Variants in GNA14 observed in about 807,000 individuals in gnomAD.
GNA14 encodes guanine nucleotide-binding protein subunit alpha-14.
In GNA14, 50 loss-of-function variants were observed where a neutral mutation model predicts 42.0. The ratio of observed to expected loss-of-function variants is 1.19; its 90% CI spans 0.95 to 1.51. The LOEUF (loss-of-function observed/expected upper bound fraction) is 1.51, where lower values mean the gene tolerates loss of function less well. Among genes scored for constraint, GNA14 ranks in the 40% most tolerant of loss-of-function variants. The probability of loss-of-function intolerance (pLI) is 0.00; values close to 1 mark genes in which losing one functional copy is unlikely to be tolerated. For missense variants in GNA14, 473 were observed against 446.2 expected (o/e 1.06, Z -0.54); for synonymous variants, 173 against 163.1 (o/e 1.06, Z -0.46).
At chr9:77,580,832 A>G (rs1168143250) in intron 1 of GNA14, among the ~76,000 whole-genome samples, 1 of 152,220 alleles carries the variant, frequency 6.6e-6, no homozygotes, top group Non-Finnish European at 1.5e-5. Flanking sequence ...TCTGTATTGT[A>G]CCAGTGCATG....
intron 1 of GNA14, among the ~76,000 whole-genome samples, chr9:77,639,462 G>C (rs989594136): frequency 6.6e-6 from 1 of 152,170 alleles, no homozygotes; most frequent in Admixed American, 6.5e-5. Context: ...ACCCAGCAAG[G>C]CTGGCTCCAA....
intron 1 of GNA14, among the ~76,000 whole-genome samples, chr9:77,615,289 A>G (rs1311203742): frequency 6.6e-6 from 1 of 151,956 alleles, no homozygotes; most frequent in Non-Finnish European, 1.5e-5. Flanking sequence ...TTGGGGTTTC[A>G]GGAGACAATG....
chr9:77,431,249 C>G, intron 4 of GNA14, 72 bp downstream of exon 4: 1 of 1,376,670 alleles, frequency 7.3e-7, no homozygotes, highest in Non-Finnish European at 1.0e-6. Flanking sequence ...AGGAATAACA[C>G]GTTTAAGAAT....
At chr9:77,567,254 T>C (rs1822981300) in intron 1 of GNA14, among the ~76,000 whole-genome samples, 1 of 152,232 alleles carries the variant, frequency 6.6e-6, no homozygotes, top group Non-Finnish European at 1.5e-5. Context: ...TCAATTTCCA[T>C]GTTCACAAAA....
chr9:77,573,689 A>C (rs1352882471), intron 1 of GNA14, among the ~76,000 whole-genome samples: 3 of 152,154 alleles, frequency 2.0e-5, no homozygotes, highest in African/African-American at 7.2e-5. Flanking sequence ...GATGCTAGAC[A>C]AGGGTCAAGA....
At chr9:77,557,242 GGACAA>G (rs1256616645) in intron 1 of GNA14, among the ~76,000 whole-genome samples, 1 of 152,152 alleles carries the variant, frequency 6.6e-6, no homozygotes, top group Admixed American at 6.6e-5. Flanking sequence ...AAAGAGAAAG[GGACAA>G]GAGAGGAAAA....
intron 1 of GNA14, among the ~76,000 whole-genome samples, chr9:77,615,845 T>G (rs967457770): frequency 7.2e-6 from 1 of 138,478 alleles, no homozygotes; most frequent in African/African-American, 3.2e-5. Context: ...TTCTTTTGGT[T>G]TTTGTTTTTT....
chr9:77,560,936 C>T (rs975702715), intron 1 of GNA14, among the ~76,000 whole-genome samples: 4 of 152,186 alleles, frequency 2.6e-5, no homozygotes, highest in Non-Finnish European at 5.9e-5. Flanking sequence ...CTCCTGACTT[C>T]TTAAGCTTCA....
chr9:77,598,377 G>A (rs965028277), intron 1 of GNA14, among the ~76,000 whole-genome samples: 1 of 152,170 alleles, frequency 6.6e-6, no homozygotes, highest in Admixed American at 6.5e-5. Flanking sequence ...CCACTCCCAT[G>A]AAGACTTCTC....
intron 2 of GNA14, among the ~76,000 whole-genome samples, chr9:77,485,596 T>C (rs941804039): frequency 7.9e-5 from 12 of 152,170 alleles, no homozygotes; most frequent in Admixed American, 7.2e-4. Context: ...TCACTATCTA[T>C]GACAGCTATA....
chr9:77,559,051 C>T (rs1822837971), intron 1 of GNA14, among the ~76,000 whole-genome samples: 1 of 152,094 alleles, frequency 6.6e-6, no homozygotes, highest in South Asian at 2.1e-4. Flanking sequence ...TCCTTTTGAG[C>T]ATCTTCCTTT....
At chr9:77,627,198 C>T (rs984104774) in intron 1 of GNA14, among the ~76,000 whole-genome samples, 1 of 152,208 alleles carries the variant, frequency 6.6e-6, no homozygotes, top group East Asian at 1.9e-4. Context: ...AGGTGAATCC[C>T]TGAATAGACT....
At chr9:77,594,295 G>C (rs1311430645) in intron 1 of GNA14, among the ~76,000 whole-genome samples, 1 of 152,224 alleles carries the variant, frequency 6.6e-6, no homozygotes, top group Non-Finnish European at 1.5e-5. Flanking sequence ...TTCTAGTCAA[G>C]ATGGAGACCA....
intron 1 of GNA14, among the ~76,000 whole-genome samples, chr9:77,621,538 G>A (rs1823921898): frequency 6.6e-6 from 1 of 152,108 alleles, no homozygotes; most frequent in African/African-American, 2.4e-5. Context: ...TATCCTGGTT[G>A]GCTTACGTAA....
chr9:77,462,740 T>TG (rs1836131067), intron 2 of GNA14, among the ~76,000 whole-genome samples: 1 of 18,512 alleles, frequency 5.4e-5, no homozygotes. Context: ...GGTGGGGGGG[T>TG]GGGAAAAGGA....
At chr9:77,449,026 G>A (rs1587767328) in intron 2 of GNA14, among the ~76,000 whole-genome samples, 1 of 152,280 alleles carries the variant, frequency 6.6e-6, no homozygotes, top group East Asian at 1.9e-4. Flanking sequence ...CTGCATATAC[G>A]ATAATGGTAT....
At chr9:77,627,710 T>G (rs1188832994) in intron 1 of GNA14, among the ~76,000 whole-genome samples, 1 of 152,104 alleles carries the variant, frequency 6.6e-6, no homozygotes, top group Non-Finnish European at 1.5e-5. Flanking sequence ...TGCTAAAAAC[T>G]CTCAATAAAC....
At chr9:77,566,145 C>CTTTTTTTTTTTTTTTTT (rs956489720) in intron 1 of GNA14, among the ~76,000 whole-genome samples, 1 of 102,510 alleles carries the variant, frequency 9.8e-6, no homozygotes, top group African/African-American at 4.0e-5. Flanking sequence ...GGGAGTGCTT[C>CTTTTTTTTTTTTTTTTT]TTTTTTTTTT....
At chr9:77,427,715 G>C (rs1472721899) in intron 5 of GNA14, among the ~76,000 whole-genome samples, 1 of 125,608 alleles carries the variant, frequency 8.0e-6, no homozygotes, top group Non-Finnish European at 1.8e-5. Context: ...ATTGGAAGCA[G>C]CCAGTGCTAT....
Sources: gnomAD v4.1 joint callset for allele counts (sites outside exome capture counted in the v4.1 genomes callset) on GRCh38, gnomAD v4.1.1 for gene constraint, MANE v1.5 for transcripts, NCBI Gene and HGNC (gene_info 2026-07-23, HGNC 2026-07-21) for gene names.